SMOC1: variants seen among roughly 807,000 people sequenced by gnomAD.
The protein encoded by SMOC1 is SPARC-related modular calcium-binding protein 1.
Under a neutral mutation model 56.3 loss-of-function variants are expected in SMOC1, and 22 were observed. The observed-to-expected ratio is 0.39, with a 90% CI of 0.28 to 0.56. The LOEUF is 0.56. SMOC1 is among the 20% of genes least tolerant of loss of function. The pLI is 0.61. For synonymous variants in SMOC1, 193 were observed against 215.0 expected, an observed-to-expected ratio of 0.90 and a Z score of 0.89; for missense variants, 509 against 565.4, an observed-to-expected ratio of 0.90 and a Z score of 1.01.
chr14:69,910,379 C>T (rs1884525556), intron 1 of SMOC1, among the ~76,000 whole-genome samples: 2 of 152,202 alleles, frequency 1.3e-5, no homozygotes, highest in South Asian at 4.1e-4. Context: ...CAGCAAGATT[C>T]AGGTCACCCA....
At chr14:69,952,741 CCTT>C (rs1364863625) in intron 2 of SMOC1, among the ~76,000 whole-genome samples, 2 of 152,130 alleles carry the variant, frequency 1.3e-5, no homozygotes, top group Non-Finnish European at 2.9e-5. Context: ...GGCTTTTTGT[CCTT>C]CTTTTCCAAA....
rs146574987 is a variant in SMOC1 at position 69,988,084 on chromosome 14, C to T, written c.527-4333C>T. Among the ~76,000 whole-genome samples the T allele has an allele frequency of 2.3e-3, 343 of 152,310 alleles. 1 individual carries two copies. The highest frequency in any genetic ancestry group is 8.1e-3 in the African/African-American group (335 of 41,570). ...TTTTTATCTGCCTGGTTTCTCCCTC[C>T]GCCCTGGCTGGTGGTGAGAATAGAT... On this transcript the variant is annotated intron_variant, in intron 5 of 11. Coordinates refer to ENST00000361956, the MANE Select transcript of SMOC1 (RefSeq NM_001034852.3).
At chr14:69,956,225 T>G (rs1883179667) in intron 3 of SMOC1, among the ~76,000 whole-genome samples, 1 of 152,232 alleles carries the variant, frequency 6.6e-6, no homozygotes, top group Non-Finnish European at 1.5e-5. Flanking sequence ...GTCTGTAGGC[T>G]GAAGGCTAGC....
intron 1 of SMOC1, among the ~76,000 whole-genome samples, chr14:69,921,686 A>G (rs1884847039): frequency 6.6e-6 from 1 of 152,162 alleles, no homozygotes; most frequent in Admixed American, 6.5e-5. Flanking sequence ...ATTTTTTAAC[A>G]TAAGAGCATT....
intron 1 of SMOC1, among the ~76,000 whole-genome samples, chr14:69,887,667 G>C (rs1594786451): frequency 6.6e-6 from 1 of 152,316 alleles, no homozygotes; most frequent in Non-Finnish European, 1.5e-5. Context: ...ACTGGGGAGT[G>C]ATTTTGGCTT....
intron 1 of SMOC1, among the ~76,000 whole-genome samples, chr14:69,932,359 C>T (rs564076034): frequency 1.3e-5 from 2 of 152,306 alleles, no homozygotes; most frequent in African/African-American, 4.8e-5. Flanking sequence ...TCCTCTGCTG[C>T]GCTGGGGCCT....
rs781728535 is a variant in SMOC1, at chr14:70,013,473, C to T, written c.1028C>T (p.Ala343Val). 5.0e-6 allele frequency: 8 copies of T among 1,614,122 alleles called. No homozygotes were observed. Among genetic ancestry groups the T allele is most frequent in the Middle Eastern group, 1.7e-4 (1 of 6,060 alleles). The change falls in exon 10 of 12, where the codon GCG (alanine) becomes GTG (valine). Residue 343 changes from alanine to valine, a missense_variant. Around this residue, in one of 3 missense-constraint regions of SMOC1, gnomAD observed 176 missense variants for 188.1 expected, o/e 0.94. Transcript: ENST00000361956. Reference protein sequence around the residue: ...TDMVQAINSAAPTGGGRFSEP... With the variant: ...TDMVQAINSAVPTGGGRFSEP... ...ATGGTTCAGGCCATTAACTCAGCAG[C>T]GCCCACTGGAGGTGGGAGGTGAGAT...
rs73290737 is a variant in SMOC1, at chr14:69,994,252, G to A, written c.584-148G>A. ...AGAAGCTTCCGTTGTGAGGAAGGGA[G>A]GGGAACTGGGAGGAGTGGATGTGGG... On this transcript the variant is annotated intron_variant, in intron 6 of 11. Transcript: ENST00000361956. 2.1e-3 allele frequency: 1,598 copies of A among 765,880 alleles called. 16 individuals carry two copies. In the African/African-American group the frequency reaches 0.024, roughly 12 times the overall value. 47.4% of individuals were successfully genotyped at this position (765,880 alleles called of 1,614,324 possible). A position where few individuals can be genotyped will look rare whatever the true frequency, so the allele number is the denominator to read the frequency against.
intron 1 of SMOC1, among the ~76,000 whole-genome samples, chr14:69,948,706 C>T (rs1454182205): frequency 6.6e-6 from 1 of 152,146 alleles, no homozygotes; most frequent in East Asian, 1.9e-4. Context: ...AACCACGCCC[C>T]CCTTCAATTA....
intron 1 of SMOC1, among the ~76,000 whole-genome samples, chr14:69,913,752 A>G (rs1247854834): frequency 6.6e-6 from 1 of 152,186 alleles, no homozygotes; most frequent in Non-Finnish European, 1.5e-5. Context: ...GAGGAAATCA[A>G]TTTCTTTTCA....
At chr14:69,921,101 G>A (rs1044225333) in intron 1 of SMOC1, among the ~76,000 whole-genome samples, 2 of 152,148 alleles carry the variant, frequency 1.3e-5, no homozygotes, top group African/African-American at 2.4e-5. Flanking sequence ...CCTGGGCCGC[G>A]AACCTTCTCT....
chr14:69,891,185 A>G (rs1465813679), intron 1 of SMOC1, among the ~76,000 whole-genome samples: 3 of 152,220 alleles, frequency 2.0e-5, no homozygotes, highest in Non-Finnish European at 4.4e-5. Flanking sequence ...GATGTAAAAA[A>G]TGTAAAATAA....
intron 7 of SMOC1, among the ~76,000 whole-genome samples, chr14:70,001,495 G>C (rs781576781): frequency 6.6e-6 from 1 of 152,184 alleles, no homozygotes; most frequent in Non-Finnish European, 1.5e-5. Context: ...ATAAAAAGCA[G>C]ATAGACTCTT....
intron 1 of SMOC1, among the ~76,000 whole-genome samples, chr14:69,880,968 C>G (rs1883621971): frequency 1.3e-5 from 2 of 152,174 alleles, no homozygotes; most frequent in South Asian, 4.1e-4. Context: ...CATCCAAGCC[C>G]AGGTATCACT....
At chr14:69,902,617 C>A (rs1236524496) in intron 1 of SMOC1, among the ~76,000 whole-genome samples, 1 of 152,130 alleles carries the variant, frequency 6.6e-6, no homozygotes, top group East Asian at 1.9e-4. Context: ...CTCTCCCTCT[C>A]CCCACGGTCT....
In SMOC1 at chr14:69,919,219, A is replaced by G. The variant is rs373154606; in HGVS notation, c.100-32919A>G. 5.3e-4 allele frequency among the ~76,000 whole-genome samples: 81 copies of G among 152,328 alleles called. No homozygotes were observed. The South Asian group carries it at 0.015, about 28-fold the overall frequency. On this transcript the variant is annotated intron_variant, in intron 1 of 11. Coordinates refer to ENST00000361956, the MANE Select transcript of SMOC1 (RefSeq NM_001034852.3). ...TCAAGCCCATAAAAGAGCTACATCA[A>G]GCAACCCTCTCATATTCTGGGACAG... is the stretch of plus-strand genomic sequence containing the variant.
chr14:69,936,144 T>C (rs181032116), intron 1 of SMOC1, among the ~76,000 whole-genome samples: 1 of 152,286 alleles, frequency 6.6e-6, no homozygotes, highest in African/African-American at 2.4e-5. Flanking sequence ...TGACGACATA[T>C]CACCACCGTT....
intron 7 of SMOC1, among the ~76,000 whole-genome samples, chr14:69,998,561 T>C (rs1273999891): frequency 6.6e-6 from 1 of 152,178 alleles, no homozygotes; most frequent in Non-Finnish European, 1.5e-5. Flanking sequence ...TTAGGTTTCA[T>C]CTAATTCTTC....
intron 1 of SMOC1, among the ~76,000 whole-genome samples, chr14:69,932,039 A>G (rs1383573893): frequency 6.6e-6 from 1 of 152,218 alleles, no homozygotes. Context: ...TGGCAGTCCA[A>G]AGAGTGGCTT....
Sources: gnomAD v4.1 joint callset for allele counts (sites outside exome capture counted in the v4.1 genomes callset) on GRCh38, gnomAD v4.1.1 for gene constraint, gnomAD v4.1.1 regional missense constraint, MANE v1.5 for transcripts, NCBI Gene and HGNC (gene_info 2026-07-23, HGNC 2026-07-21) for gene names.